The following PDE4D variants were observed in gnomAD, a reference collection of about 807,000 sequenced individuals.
PDE4D encodes the protein phosphodiesterase 4D, also known as 3',5'-cyclic-AMP phosphodiesterase 4D.
A neutral mutation model predicts 87.4 loss-of-function variants in PDE4D; 24 were observed. That is an observed-to-expected ratio of 0.27 (90% CI 0.20 to 0.39). The LOEUF is 0.39. Ranked by LOEUF, PDE4D falls within the 10% of genes least tolerant of loss-of-function variation. The pLI is 1.00. For missense variants in PDE4D, 714 were observed against 1,041.0 expected (o/e 0.69, Z 4.32); for synonymous variants, 384 against 383.2 (o/e 1.00, Z -0.02).
intron 6 of PDE4D, among the ~76,000 whole-genome samples, chr5:59,028,692 A>G (rs920675492): frequency 6.6e-6 from 1 of 152,054 alleles, no homozygotes; most frequent in Admixed American, 6.5e-5. Flanking sequence ...TATTTTATGA[A>G]TTGGAATATT....
intron 1 of PDE4D, among the ~76,000 whole-genome samples, chr5:59,616,922 T>TATATATATATATAC (rs1829755415): frequency 8.5e-6 from 1 of 118,042 alleles, no homozygotes; most frequent in Admixed American, 8.2e-5. Context: ...TAATTACATA[T>TATATATATATATAC]ATATATATAT....
At chr5:59,535,078 G>GT (rs1561146765) in intron 1 of PDE4D, among the ~76,000 whole-genome samples, 11 of 72,432 alleles carry the variant, frequency 1.5e-4, no homozygotes, top group African/African-American at 5.4e-4. Context: ...TGTGTGTGTG[G>GT]GGGGGGGGTC....
intron 1 of PDE4D, among the ~76,000 whole-genome samples, chr5:59,404,922 T>G (rs879409051): frequency 1.3e-5 from 2 of 152,216 alleles, no homozygotes; most frequent in African/African-American, 2.4e-5. Flanking sequence ...ATGAGTTCAC[T>G]GTACATGTAT....
chr5:60,471,446 G>T (rs959705142), intron 1 of PDE4D, among the ~76,000 whole-genome samples: 1 of 152,160 alleles, frequency 6.6e-6, no homozygotes, highest in Admixed American at 6.6e-5. Flanking sequence ...TGAGAGGACT[G>T]ACAGCAATTT....
At chr5:59,131,646 A>ACACACACAC (rs1776302297) in intron 5 of PDE4D, among the ~76,000 whole-genome samples, 1 of 92,488 alleles carries the variant, frequency 1.1e-5, no homozygotes, top group African/African-American at 6.1e-5. Context: ...ACACACACAC[A>ACACACACAC]TTAATGAGAG....
chr5:59,242,852 C>T lies in PDE4D; in HGVS notation c.456-26884G>A, dbSNP rs545640528. On this transcript the variant is annotated intron_variant, in intron 1 of 14. Transcript: ENST00000340635. ...GACAGATGTAGAGCCAGTGTCAGAG[C>T]ATCAACATAAGAATTCTCCATCGTT... Among the ~76,000 whole-genome samples the T allele has an allele frequency of 2.2e-4, 33 of 152,242 alleles. No individual in the cohort carries two copies. The South Asian group carries it at 6.6e-3, about 31-fold the overall frequency.
At chr5:60,294,436 G>T (rs1392639869) in intron 1 of PDE4D, among the ~76,000 whole-genome samples, 1 of 151,934 alleles carries the variant, frequency 6.6e-6, no homozygotes, top group Non-Finnish European at 1.5e-5. Flanking sequence ...CAATTTTGAG[G>T]GTTATAATTT....
At chr5:59,057,665 T>C (rs1395590250) in intron 5 of PDE4D, among the ~76,000 whole-genome samples, 1 of 152,188 alleles carries the variant, frequency 6.6e-6, no homozygotes, top group Non-Finnish European at 1.5e-5. Flanking sequence ...TGGAAAGCAT[T>C]CTCAAATTAT....
chr5:59,650,895 A>G (rs572795359), intron 1 of PDE4D, among the ~76,000 whole-genome samples: 108 of 152,264 alleles, frequency 7.1e-4, no homozygotes, highest in African/African-American at 2.5e-3. Context: ...GCCCAGCCCA[A>G]ATGAATGTGT....
rs569257932 is a variant in PDE4D, at chr5:59,574,995, T to C, written c.455+318173A>G. On this transcript the variant is annotated intron_variant, in intron 1 of 14. Transcript: ENST00000340635. Reference sequence around the variant, plus strand: ...ATTGATATATTTAAAAACTCAAATATAGGATATGTATGCTAGAATAATGAG... The same window carrying C: ...ATTGATATATTTAAAAACTCAAATACAGGATATGTATGCTAGAATAATGAG... Among the ~76,000 whole-genome samples, 40 of 152,282 alleles carry C rather than the reference T, an allele frequency of 2.6e-4. No individual in the cohort carries two copies. The South Asian group carries it at 7.9e-3, about 30-fold the overall frequency.
chr5:60,331,087 C>G (rs1282410443), intron 1 of PDE4D, among the ~76,000 whole-genome samples: 1 of 152,182 alleles, frequency 6.6e-6, no homozygotes, highest in Non-Finnish European at 1.5e-5. Flanking sequence ...TCACCAAGTG[C>G]AAGGACCAGG....
chr5:60,459,709 G>A (rs1167083665), intron 1 of PDE4D: 1 of 310,408 alleles, frequency 3.2e-6, no homozygotes, highest in Non-Finnish European at 6.2e-6. Flanking sequence ...TCTGCAATAA[G>A]TTGAGAACCA....
chr5:58,985,046 A>G (rs1580097085), intron 11 of PDE4D, among the ~76,000 whole-genome samples: 3 of 152,056 alleles, frequency 2.0e-5, no homozygotes, highest in Admixed American at 2.0e-4. Context: ...AGTGGCTGGG[A>G]ATACAGGCAT....
intron 1 of PDE4D, among the ~76,000 whole-genome samples, chr5:59,693,020 A>C (rs298084): frequency 0.5 from 75,242 of 151,774 alleles, 18,962 homozygotes; most frequent in East Asian, 0.7. Flanking sequence ...AAGTTTTCAG[A>C]TTTGTGCACA....
intron 2 of PDE4D, among the ~76,000 whole-genome samples, chr5:60,157,307 C>A (rs1353666145): frequency 6.6e-6 from 1 of 152,026 alleles, no homozygotes. Flanking sequence ...TTCATTCATT[C>A]AAATATTTAT....
In PDE4D at chr5:58,973,195, G is replaced by C. The variant is rs1292987537; in HGVS notation, c.*1469C>G. 1.3e-5 allele frequency: 2 copies of C among 151,184 alleles called. No individual in the cohort carries two copies. The highest frequency in any genetic ancestry group is 4.9e-5 in the African/African-American group (2 of 40,522). The allele number at this position is 151,184 out of a possible 1,614,324, so 9.4% of individuals were successfully genotyped here. ...TAATATTCTTAAAAACTGCCTAGTTGGCTGTTTAACTTTTCTCTGTAAACC... is the reference window on the plus strand; with the variant it reads ...TAATATTCTTAAAAACTGCCTAGTTCGCTGTTTAACTTTTCTCTGTAAACC... On this transcript the variant is annotated 3_prime_UTR_variant, in exon 15 of 15. Transcript: ENST00000340635.
chr5:60,129,190 T>C lies in PDE4D; in HGVS notation c.42+56367A>G, dbSNP rs549723712. Among the ~76,000 whole-genome samples, 7 of 152,352 alleles carry C rather than the reference T, an allele frequency of 4.6e-5. No homozygotes were observed. The South Asian group carries it at 6.2e-4, about 14-fold the overall frequency. ...TTTATTTAAAATATGTGTTTTTATA[T>C]AACAACATGCAAGTGCTCATATGAC... On this transcript the variant is annotated intron_variant, in intron 2 of 16. Transcript: ENST00000502484.
chr5:59,619,288 C>G (rs1417028834), intron 1 of PDE4D, among the ~76,000 whole-genome samples: 1 of 152,066 alleles, frequency 6.6e-6, no homozygotes, highest in East Asian at 1.9e-4. Flanking sequence ...CAAGGAGGCT[C>G]TCTTGGACAC....
At chr5:60,124,643 G>A (rs1778974483) in intron 2 of PDE4D, among the ~76,000 whole-genome samples, 1 of 151,794 alleles carries the variant, frequency 6.6e-6, no homozygotes, top group Non-Finnish European at 1.5e-5. Flanking sequence ...CATTTACATA[G>A]CAACCTGCCA....
Sources: allele counts gnomAD v4.1 joint callset (sites outside exome capture counted in the v4.1 genomes callset), GRCh38; gene constraint gnomAD v4.1.1; transcripts MANE v1.5; gene names NCBI Gene and HGNC (gene_info 2026-07-23, HGNC 2026-07-21).